Variants in FGFR3 observed in about 807,000 individuals in gnomAD.
The protein encoded by FGFR3 is fibroblast growth factor receptor 3, also known as FGFR-3.
Under a neutral mutation model 82.9 loss-of-function variants are expected in FGFR3, and 25 were observed. The ratio of observed to expected loss-of-function variants is 0.30; its 90% CI spans 0.22 to 0.42. FGFR3 has a LOEUF of 0.42. Among genes scored for constraint, FGFR3 ranks in the 10% least tolerant of loss-of-function variants. The pLI is 1.00. For synonymous variants in FGFR3, 620 were observed against 516.0 expected (o/e 1.20, Z -2.73); for missense variants, 1,026 against 1,161.0 (o/e 0.88, Z 1.69).
chr4:1,807,584 AC>A lies in FGFR3; in HGVS notation c.*327del. On this transcript the variant is annotated 3_prime_UTR_variant, in exon 18 of 18. Transcript: ENST00000440486. ...AATGTAAGTGGGCCCACCCGGTGGG[AC>A]CCCCGTGGGGCAGGGAGCTGGGCCC... 1 of 683,798 alleles carries A rather than the reference AC, an allele frequency of 1.5e-6. No homozygotes were observed. Among genetic ancestry groups the A allele is most frequent in the Non-Finnish European group, 2.7e-6 (1 of 364,308 alleles). 42.4% of individuals were successfully genotyped at this position (683,798 alleles called of 1,614,324 possible).
In FGFR3 at chr4:1,807,402, TG is replaced by T; in HGVS notation, c.*141del. On this transcript the variant is annotated 3_prime_UTR_variant, in exon 18 of 18. Coordinates refer to ENST00000440486, the MANE Select transcript of FGFR3 (RefSeq NM_000142.5). ...TTTGGTCTGTGTGTGTGTGTGTGCGTGTGTGTGTGTGTGTGTGCACATCCGC... is the reference window on the plus strand; with the variant it reads ...TTTGGTCTGTGTGTGTGTGTGTGCGTTGTGTGTGTGTGTGTGCACATCCGC... The T allele has an allele frequency of 2.0e-4, 2 of 10,022 alleles. No individual in the cohort carries two copies. The highest frequency in any genetic ancestry group is 1.7e-4 in the Non-Finnish European group (1 of 5,736). 0.6% of individuals were successfully genotyped at this position (10,022 alleles called of 1,614,324 possible). A position where few individuals can be genotyped will look rare whatever the true frequency, so the allele number is the denominator to read the frequency against.
At chr4:1,796,728 T>C (rs957452978) in intron 2 of FGFR3, among the ~76,000 whole-genome samples, 1 of 152,042 alleles carries the variant, frequency 6.6e-6, no homozygotes, top group Middle Eastern at 3.2e-3. Context: ...AGTTTGGCCG[T>C]CCCCAGCACC....
In FGFR3 at chr4:1,803,844, C is replaced by T. The variant is rs779181976; in HGVS notation, c.1075+8C>T. The T allele has an allele frequency of 2.3e-5, 37 of 1,612,752 alleles. No homozygotes were observed. The highest frequency in any genetic ancestry group is 1.8e-4 in the South Asian group (16 of 91,056). The stretch of plus-strand genomic sequence containing the variant: ...GGCTGGTGGTGCTGCCAGGTACCGG[C>T]TTCTGCTGCTGCTGCTGCTCCGCAC... On this transcript the variant is annotated splice_region_variant and intron_variant, in intron 8 of 17. Transcript: ENST00000440486.
chr4:1,795,263 G>A (rs1484193967), intron 2 of FGFR3, among the ~76,000 whole-genome samples: 1 of 152,122 alleles, frequency 6.6e-6, no homozygotes, highest in African/African-American at 2.4e-5. Context: ...GCCGCGGGGG[G>A]AGCTTGGCTT....
At chr4:1,805,727 G>T (rs537022299) in intron 12 of FGFR3, 23 bp from the exon 13 acceptor site, 26 of 1,611,852 alleles carry the variant, frequency 1.6e-5, no homozygotes, top group South Asian at 5.5e-5. Context: ...CTGGCAGCCC[G>T]TCTGAGGAGC....
chr4:1,806,750 GA>G (rs1721973982), intron 16 of FGFR3, 67 bp downstream of exon 16: 1 of 1,596,180 alleles, frequency 6.3e-7, no homozygotes, highest in African/African-American at 1.3e-5. Context: ...CTGGGCGGGG[GA>G]GGGACTGGCA....
intron 2 of FGFR3, among the ~76,000 whole-genome samples, chr4:1,795,389 G>C (rs947545170): frequency 1.1e-4 from 17 of 152,012 alleles, no homozygotes; most frequent in Non-Finnish European, 2.2e-4. Context: ...GCGGGCGCGC[G>C]GGGCCTCCCC....
At position 1,801,426 on chromosome 4, in the gene FGFR3, G is replaced by A. The variant is rs1222728854; in HGVS notation, c.505G>A (p.Ala169Thr). The A allele has an allele frequency of 3.9e-6, 6 of 1,552,830 alleles. No homozygotes were observed. The highest frequency in any genetic ancestry group is 3.9e-5 in the Admixed American group (2 of 51,496). Residue 169 changes from alanine (A) to threonine (T), a missense_variant, in exon 5 of 18, where the codon GCC (alanine) becomes ACC (threonine). Ala to Thr is a moderately conservative substitution (Grantham distance 58). Coordinates refer to ENST00000440486, the MANE Select transcript of FGFR3 (RefSeq NM_000142.5). ...MDKKLLAVPA[A>T]NTVRFRCPAA... Reference sequence around the variant, plus strand: ...CAAGAAGCTGCTGGCCGTGCCGGCCGCCAACACCGTCCGCTTCCGCTGCCC... The same window carrying A: ...CAAGAAGCTGCTGGCCGTGCCGGCCACCAACACCGTCCGCTTCCGCTGCCC...
In FGFR3 at chr4:1,793,344, C is replaced by T. The variant is rs1160103168; in HGVS notation, c.-224C>T. ...GCAGCTGGCGCCGCGCGGTCCTGCTCTGCCGGTCGCACGGACGCACCGGCG... is the reference window on the plus strand; with the variant it reads ...GCAGCTGGCGCCGCGCGGTCCTGCTTTGCCGGTCGCACGGACGCACCGGCG... On this transcript the variant is annotated 5_prime_UTR_variant, in exon 1 of 18. Transcript: ENST00000440486. 3.4e-5 allele frequency: 5 copies of T among 147,638 alleles called. No homozygotes were observed. The East Asian group carries it at 8.0e-4, about 24-fold the overall frequency. The allele number at this position is 147,638 out of a possible 1,614,324, so 9.1% of individuals were successfully genotyped here.
chr4:1,801,443 C>T lies in FGFR3; in HGVS notation c.522C>T (p.Phe174=). Residue 174 remains phenylalanine, a synonymous_variant, in exon 5 of 18, where the codon TTC becomes TTT. Coordinates refer to ENST00000440486, the MANE Select transcript of FGFR3 (RefSeq NM_000142.5). ...LAVPAANTVR[F]RCPAAGNPTP... Reference sequence around the variant, plus strand: ...TGCCGGCCGCCAACACCGTCCGCTTCCGCTGCCCAGCCGCTGGCAACCCCA... The same window carrying T: ...TGCCGGCCGCCAACACCGTCCGCTTTCGCTGCCCAGCCGCTGGCAACCCCA... 1 of 1,552,882 alleles carries T rather than the reference C, an allele frequency of 6.4e-7. No individual in the cohort carries two copies. The highest frequency in any genetic ancestry group is 1.2e-5 in the South Asian group (1 of 84,306).
rs1188115588 is a variant in FGFR3 at position 1,806,638 on chromosome 4, A to C, written c.2123A>C (p.Lys708Thr). 1.2e-6 allele frequency: 2 copies of C among 1,612,852 alleles called. No homozygotes were observed. The highest frequency in any genetic ancestry group is 1.1e-5 in the South Asian group (1 of 91,066). ...GTGGAGGAGCTCTTCAAGCTGCTGAAGGAGGGCCACCGCATGGACAAGCCC... is the reference window on the plus strand; with the variant it reads ...GTGGAGGAGCTCTTCAAGCTGCTGACGGAGGGCCACCGCATGGACAAGCCC... ...IPVEELFKLL[K>T]EGHRMDKPAN... Residue 708 changes from lysine (K) to threonine (T), a missense_variant, in exon 16 of 18, where the codon AAG becomes ACG. Coordinates refer to ENST00000440486, the MANE Select transcript of FGFR3 (RefSeq NM_000142.5).
Position 1,801,679 on chromosome 4 carries a change from C to G in FGFR3, c.675C>G (p.Asn225Lys). 6.2e-7 allele frequency: 1 copy of G among 1,611,374 alleles called. No individual in the cohort carries two copies. Among genetic ancestry groups the G allele is most frequent in the Non-Finnish European group, 8.5e-7 (1 of 1,179,348 alleles). ...GCGTGGTGCCCTCGGACCGCGGCAA[C>G]TACACCTGCGTCGTGGAGAACAAGT... ...MESVVPSDRG[N>K]YTCVVENKFG... is the part of the protein sequence containing the mutation. Residue 225 changes from asparagine (N) to lysine (K), a missense_variant, in exon 6 of 18, where the codon AAC becomes AAG. By Grantham distance (94) the Asn-to-Lys change is moderately conservative. Transcript: ENST00000440486.
intron 16 of FGFR3, 52 bp from the exon 17 acceptor site, chr4:1,806,777 C>T (rs2108813564): frequency 6.3e-7 from 1 of 1,593,748 alleles, no homozygotes; most frequent in Non-Finnish European, 8.5e-7. Context: ...TCAGGCTGTT[C>T]CCGAATAAGG....
chr4:1,804,896 G>T lies in FGFR3; in HGVS notation c.1339G>T (p.Glu447Ter), dbSNP rs1367467022. 2 of 1,550,086 alleles carry T rather than the reference G, an allele frequency of 1.3e-6. No homozygotes were observed. The highest frequency in any genetic ancestry group is 1.7e-6 in the Non-Finnish European group (2 of 1,146,952). ...LVRIARLSSG[E>*]GPTLANVSEL... Reference sequence around the variant, plus strand: ...GCGCATCGCAAGGCTGTCCTCAGGGGAGGGCCCCACGCTGGCCAATGTCTC... The same window carrying T: ...GCGCATCGCAAGGCTGTCCTCAGGGTAGGGCCCCACGCTGGCCAATGTCTC... The change falls in exon 10 of 18, where the codon GAG becomes TAG. Residue 447 changes from glutamate (E) to a stop codon, truncating the protein, a stop_gained. Coordinates refer to ENST00000440486, the MANE Select transcript of FGFR3 (RefSeq NM_000142.5). LOFTEE classifies it high-confidence loss of function.
intron 9 of FGFR3, 144 bp downstream of exon 9, chr4:1,804,664 A>G (rs905165275): frequency 6.4e-6 from 9 of 1,416,286 alleles, no homozygotes; most frequent in Non-Finnish European, 8.8e-6. Flanking sequence ...CTCACCATGT[A>G]GAGCCTAGGG....
rs367647863 is a variant in FGFR3 at position 1,806,347 on chromosome 4, C to G, written c.2030+20C>G. ...TGACGTGTACGTGTCCTGCAGAGCTCAGGCTTCAGGGGTGGAGGCGGGAAC... is the reference window on the plus strand; with the variant it reads ...TGACGTGTACGTGTCCTGCAGAGCTGAGGCTTCAGGGGTGGAGGCGGGAAC... On this transcript the variant is annotated intron_variant, in intron 15 of 17. Transcript: ENST00000440486. 1 of 1,612,678 alleles carries G rather than the reference C, an allele frequency of 6.2e-7. No homozygotes were observed. Among genetic ancestry groups the G allele is most frequent in the Non-Finnish European group, 8.5e-7 (1 of 1,179,884 alleles).
rs1721586816 is a variant in FGFR3, at chr4:1,804,312, A to G, written c.1076-18A>G. The G allele has an allele frequency of 6.3e-6, 10 of 1,585,636 alleles. No homozygotes were observed. The highest frequency in any genetic ancestry group is 1.7e-4 in the Middle Eastern group (1 of 5,924). On this transcript the variant is annotated intron_variant, in intron 8 of 17. Coordinates refer to ENST00000440486, the MANE Select transcript of FGFR3 (RefSeq NM_000142.5). ...GGGGGGGGGGCCAGGCCAGGCCTCAACGCCCATGTCTTTGCAGCCGAGGAG... is the reference window on the plus strand; with the variant it reads ...GGGGGGGGGGCCAGGCCAGGCCTCAGCGCCCATGTCTTTGCAGCCGAGGAG...
At chr4:1,802,217 C>T (rs921921878) in intron 7 of FGFR3, among the ~76,000 whole-genome samples, 192 bp downstream of exon 7, 6 of 152,170 alleles carry the variant, frequency 3.9e-5, no homozygotes, top group African/African-American at 1.4e-4. Flanking sequence ...TGCGTTGGGA[C>T]CCGTTTCCGT....
intron 9 of FGFR3, 55 bp downstream of exon 9, chr4:1,804,575 G>A (rs1277650958): frequency 6.2e-7 from 1 of 1,600,478 alleles, no homozygotes; most frequent in Admixed American, 1.7e-5. Flanking sequence ...GCCTCCTGGA[G>A]CCCCACCTCG....
Sources: gnomAD v4.1 joint callset for allele counts (sites outside exome capture counted in the v4.1 genomes callset) on GRCh38, gnomAD v4.1.1 for gene constraint, MANE v1.5 for transcripts, NCBI Gene and HGNC (gene_info 2026-07-23, HGNC 2026-07-21) for gene names.